The following ZNF551 variants were observed in gnomAD, a reference collection of about 807,000 sequenced individuals.
The protein encoded by ZNF551 is zinc finger protein 551.
Under a neutral mutation model 7.9 loss-of-function variants are expected in ZNF551, and 5 were observed. The observed-to-expected ratio is 0.63, with a 90% CI of 0.33 to 1.33. ZNF551 has a LOEUF of 1.33. Ranked by LOEUF, ZNF551 falls within the 40% of genes most tolerant of loss-of-function variation. ZNF551 has a pLI of 0.05. For missense variants in ZNF551, 788 were observed against 825.2 expected, an observed-to-expected ratio of 0.95 and a Z score of 0.55; for synonymous variants, 287 against 277.3, an observed-to-expected ratio of 1.03 and a Z score of -0.35.
intron 2 of ZNF551, among the ~76,000 whole-genome samples, chr19:57,686,265 T>C (rs1349720335): frequency 1.3e-5 from 2 of 152,224 alleles, no homozygotes; most frequent in Non-Finnish European, 2.9e-5. Flanking sequence ...CTTCTCCTCC[T>C]GTGCTATACC....
In ZNF551 at chr19:57,688,965, C is replaced by G. The variant is rs549963888; in HGVS notation, c.*677C>G. On this transcript the variant is annotated 3_prime_UTR_variant, in exon 3 of 3. Coordinates refer to ENST00000282296, the MANE Select transcript of ZNF551 (RefSeq NM_138347.5). Reference sequence around the variant, plus strand: ...GGGTGAATAGATTTTGTGGAGATCTCAAACTTTCTGTACTCAGAAGGGACA... The same window carrying G: ...GGGTGAATAGATTTTGTGGAGATCTGAAACTTTCTGTACTCAGAAGGGACA... 1.3e-5 allele frequency: 2 copies of G among 152,524 alleles called. No individual in the cohort carries two copies. Among genetic ancestry groups the G allele is most frequent in the East Asian group, 3.9e-4 (2 of 5,174 alleles). The allele number at this position is 152,524 out of a possible 1,614,324, so 9.4% of individuals were successfully genotyped here. A position where few individuals can be genotyped will look rare whatever the true frequency, so the allele number is the denominator to read the frequency against.
rs1204103266 is a variant in ZNF551 at position 57,690,117 on chromosome 19, T to A, written c.*1829T>A. The A allele has an allele frequency of 6.6e-6, 1 of 152,174 alleles. No homozygotes were observed. The highest frequency in any genetic ancestry group is 1.5e-5 in the Non-Finnish European group (1 of 68,034). 9.4% of individuals were successfully genotyped at this position (152,174 alleles called of 1,614,324 possible). On this transcript the variant is annotated 3_prime_UTR_variant, in exon 3 of 3. Transcript: ENST00000282296. ...AAAAAAGGAACATCTAGGCTCTTAATTTTGAGCCACTTTTTAAAGCTTTTT... is the reference window on the plus strand; with the variant it reads ...AAAAAAGGAACATCTAGGCTCTTAAATTTGAGCCACTTTTTAAAGCTTTTT...
rs1984624496 is a variant in ZNF551 at position 57,687,755 on chromosome 19, C to G, written c.1480C>G (p.Gln494Glu). 6.2e-7 allele frequency: 1 copy of G among 1,613,730 alleles called. No individual in the cohort carries two copies. The highest frequency in any genetic ancestry group is 1.1e-5 in the South Asian group (1 of 91,060). ...CCGCAAATTTATCCTGATTCAACACCAAAGAGTTCACACTGGAGAAAGACC... is the reference window on the plus strand; with the variant it reads ...CCGCAAATTTATCCTGATTCAACACGAAAGAGTTCACACTGGAGAAAGACC... ...FSRKFILIQH[Q>E]RVHTGERPYE... The change falls in exon 3 of 3, where the codon CAA becomes GAA. Residue 494 changes from glutamine to glutamate, a missense_variant. Coordinates refer to ENST00000282296, the MANE Select transcript of ZNF551 (RefSeq NM_138347.5).
intron 1 of ZNF551, among the ~76,000 whole-genome samples, chr19:57,682,558 C>T (rs1028256438): frequency 6.6e-6 from 1 of 152,174 alleles, no homozygotes; most frequent in Non-Finnish European, 1.5e-5. Context: ...ACACTGGCAG[C>T]CTTCGAGATT....
Position 57,690,372 on chromosome 19 carries a change from T to TACACACACACACACAC in ZNF551, c.*2099_*2114dup, listed in dbSNP as rs67512913. 4.7e-5 allele frequency: 7 copies of TACACACACACACACAC among 149,202 alleles called. No individual in the cohort carries two copies. The highest frequency in any genetic ancestry group is 1.7e-4 in the African/African-American group (7 of 40,874). 9.2% of individuals were successfully genotyped at this position (149,202 alleles called of 1,614,324 possible). A position where few individuals can be genotyped will look rare whatever the true frequency, so the allele number is the denominator to read the frequency against. The stretch of plus-strand genomic sequence containing the variant: ...TTTCTGGAGTTTTTACTGAGATACA[T>TACACACACACACACAC]ACACACACACACACACACACACACA... On this transcript the variant is annotated 3_prime_UTR_variant, in exon 3 of 3. Transcript: ENST00000282296.
chr19:57,685,587 T>C (rs536354235), intron 2 of ZNF551: 129 of 723,754 alleles, frequency 1.8e-4, no homozygotes, highest in Middle Eastern at 7.8e-4. Flanking sequence ...TGTCCACCTA[T>C]ATCAGAAATT....
Position 57,682,009 on chromosome 19 carries a change from T to G in ZNF551, c.-155T>G. The G allele has an allele frequency of 2.7e-6, 2 of 733,322 alleles. No homozygotes were observed. Among genetic ancestry groups the G allele is most frequent in the African/African-American group, 1.8e-5 (1 of 55,570 alleles). 45.4% of individuals were successfully genotyped at this position (733,322 alleles called of 1,614,324 possible). On this transcript the variant is annotated 5_prime_UTR_variant, in exon 1 of 3. It adds an upstream start codon to the 5' untranslated region. Transcript: ENST00000282296. The stretch of plus-strand genomic sequence containing the variant: ...CCGGCGTCCTCCTCGTGGCGGTCAT[T>G]TTGGCCTCTGTCCTGTTTGTCCAGC...
chr19:57,687,990 C>G lies in ZNF551; in HGVS notation c.1715C>G (p.Ala572Gly). 1 of 1,614,020 alleles carries G rather than the reference C, an allele frequency of 6.2e-7. No individual in the cohort carries two copies. The highest frequency in any genetic ancestry group is 8.5e-7 in the Non-Finnish European group (1 of 1,180,008). Residue 572 changes from alanine (A) to glycine (G), a missense_variant, in exon 3 of 3, where the codon GCT becomes GGT. Transcript: ENST00000282296. ...TGTGGAAAGTCTTTTAGCCAAAGTG[C>G]TAGCCTCATTCAACACCAGAGAGTT... ...SECGKSFSQS[A>G]SLIQHQRVHT...
chr19:57,682,217 G>C lies in ZNF551; in HGVS notation c.54G>C (p.Ala18=), dbSNP rs1247859827. The C allele has an allele frequency of 8.4e-6, 13 of 1,550,474 alleles. No individual in the cohort carries two copies. The highest frequency in any genetic ancestry group is 1.1e-5 in the Non-Finnish European group (13 of 1,146,946). Residue 18 remains alanine (A), a synonymous_variant, in exon 1 of 3, where the codon GCG becomes GCC. Coordinates refer to ENST00000282296, the MANE Select transcript of ZNF551 (RefSeq NM_138347.5). ...CGCCTAGTCCACGGAGCTCAATGGC[G>C]GCAGTCGCGCTGAGGGACTCGGCTC... The part of the protein sequence containing the change: ...RSPPSPRSSM[A]AVALRDSAQG...
At position 57,687,555 on chromosome 19, in the gene ZNF551, CTT is replaced by C. The variant is rs1293692651; in HGVS notation, c.1283_1284del (p.Phe428Ter). The C allele has an allele frequency of 6.2e-6, 10 of 1,614,090 alleles. No individual in the cohort carries two copies. The highest frequency in any genetic ancestry group is 8.5e-6 in the Non-Finnish European group (10 of 1,180,042). On this transcript the variant is annotated frameshift_variant, in exon 3 of 3. Transcript: ENST00000282296. LOFTEE classifies it low-confidence loss of function (END_TRUNC). ...TATCAGTGCAGTGATTGTGGGAAAT[CTT>C]TTAGCTGCAAATCGGAACTCATTCA...
At position 57,682,086 on chromosome 19, in the gene ZNF551, G is replaced by A; in HGVS notation, c.-78G>A. On this transcript the variant is annotated 5_prime_UTR_variant, in exon 1 of 3. Coordinates refer to ENST00000282296, the MANE Select transcript of ZNF551 (RefSeq NM_138347.5). ...GACTGAGGGACGGGACAGAGAAGTC[G>A]CGAAAGTGGGCCAGAGGTTCTGCGA... The A allele has an allele frequency of 1.1e-5, 16 of 1,465,040 alleles. No homozygotes were observed. Among genetic ancestry groups the A allele is most frequent in the Non-Finnish European group, 1.5e-5 (16 of 1,088,428 alleles). The allele number at this position is 1,465,040 out of a possible 1,614,324, so 90.8% of individuals were successfully genotyped here. A position where few individuals can be genotyped will look rare whatever the true frequency, so the allele number is the denominator to read the frequency against.
In ZNF551 at chr19:57,686,826, G is replaced by T. The variant is rs2122336752; in HGVS notation, c.551G>T (p.Gly184Val). 6.2e-7 allele frequency: 1 copy of T among 1,614,178 alleles called. No homozygotes were observed. Among genetic ancestry groups the T allele is most frequent in the Admixed American group, 1.7e-5 (1 of 60,022 alleles). Residue 184 changes from glycine (G) to valine (V), a missense_variant, in exon 3 of 3, where the codon GGG becomes GTG. Physicochemically the swap from Gly to Val is moderately radical, Grantham distance 109 (BLOSUM62 -3). Transcript: ENST00000282296. ...CATGTGTTGAATTATTTCACCTGTG[G>T]GGAGGCCTTCCCAGCCCCCACGGAC... Reference protein sequence around the residue: ...RFHVLNYFTCGEAFPAPTDLL... With the variant: ...RFHVLNYFTCVEAFPAPTDLL...
In ZNF551 at chr19:57,682,114, C is replaced by T. The variant is rs1267843516; in HGVS notation, c.-50C>T. On this transcript the variant is annotated 5_prime_UTR_variant, in exon 1 of 3. Transcript: ENST00000282296. The stretch of plus-strand genomic sequence containing the variant: ...AAAGTGGGCCAGAGGTTCTGCGACA[C>T]CACCTCGGGTGAGCTGCGCCAGGCC... 1.3e-6 allele frequency: 2 copies of T among 1,522,716 alleles called. No individual in the cohort carries two copies. The highest frequency in any genetic ancestry group is 4.0e-5 in the Admixed American group (2 of 50,122). The allele number at this position is 1,522,716 out of a possible 1,614,324, so 94.3% of individuals were successfully genotyped here.
At position 57,687,577 on chromosome 19, in the gene ZNF551, C is replaced by CA. The variant is rs1298938435; in HGVS notation, c.1303dup (p.Ile435AsnfsTer14). ...AATCTTTTAGCTGCAAATCGGAACT[C>CA]ATTCAACACCAGAGAATTCACAGTG... is the stretch of plus-strand genomic sequence containing the variant. On this transcript the variant is annotated frameshift_variant, in exon 3 of 3. Coordinates refer to ENST00000282296, the MANE Select transcript of ZNF551 (RefSeq NM_138347.5). LOFTEE classifies it low-confidence loss of function (END_TRUNC). The CA allele has an allele frequency of 1.2e-6, 2 of 1,614,060 alleles. No homozygotes were observed. Among genetic ancestry groups the CA allele is most frequent in the Non-Finnish European group, 8.5e-7 (1 of 1,180,038 alleles).
In ZNF551 at chr19:57,688,179, G is replaced by C. The variant is rs1488521261; in HGVS notation, c.1904G>C (p.Arg635Thr). Residue 635 changes from arginine to threonine, a missense_variant, in exon 3 of 3, where the codon AGA becomes ACA. Physicochemically the swap from Arg to Thr is moderately conservative, Grantham distance 71. Coordinates refer to ENST00000282296, the MANE Select transcript of ZNF551 (RefSeq NM_138347.5). ...THKSDLIQHQ[R>T]VHTGERPYEC... Reference sequence around the variant, plus strand: ...AAATCAGACCTTATTCAGCACCAAAGAGTTCACACTGGAGAAAGGCCTTAT... The same window carrying C: ...AAATCAGACCTTATTCAGCACCAAACAGTTCACACTGGAGAAAGGCCTTAT... 2 of 1,614,202 alleles carry C rather than the reference G, an allele frequency of 1.2e-6. No homozygotes were observed. The highest frequency in any genetic ancestry group is 1.7e-6 in the Non-Finnish European group (2 of 1,180,038).
Position 57,686,436 on chromosome 19 carries a change from C to T in ZNF551, c.206-45C>T, listed in dbSNP as rs760885869. 4.4e-5 allele frequency: 70 copies of T among 1,582,332 alleles called. 1 individual carries two copies. The highest frequency in any genetic ancestry group is 5.5e-5 in the Non-Finnish European group (64 of 1,160,428). ...ATTTTTGTGATACATCTTTCTCCTT[C>T]CATGAAAGTCAGCATGCATTTCATC... On this transcript the variant is annotated intron_variant, in intron 2 of 2. Transcript: ENST00000282296.
rs759866054 is a variant in ZNF551, at chr19:57,687,226, C to T, written c.951C>T (p.Ile317=). 5 of 1,613,914 alleles carry T rather than the reference C, an allele frequency of 3.1e-6. No individual in the cohort carries two copies. In the East Asian group the frequency reaches 1.1e-4, roughly 36 times the overall value. The change falls in exon 3 of 3, where the codon ATC becomes ATT. Residue 317 remains isoleucine, a synonymous_variant. Coordinates refer to ENST00000282296, the MANE Select transcript of ZNF551 (RefSeq NM_138347.5). ...GCAGTGATCGTGAGAAAGCCTTTATCCATAAATCTGAATTCATTCACCACC... is the reference window on the plus strand; with the variant it reads ...GCAGTGATCGTGAGAAAGCCTTTATTCATAAATCTGAATTCATTCACCACC... ...YECSDREKAF[I]HKSEFIHHQR...
rs2122343658 is a variant in ZNF551, at chr19:57,688,382, CAGTGGGGTATTCTTCATAAGTT to C, written c.*95_*116del. ...CGTAAATTTAAACTTTGAGCACCCA[CAGTGGGGTATTCTTCATAAGTT>C]TCAGGTATGTGGGAAGCTCTGAGGA... On this transcript the variant is annotated 3_prime_UTR_variant, in exon 3 of 3. Transcript: ENST00000282296. The C allele has an allele frequency of 8.7e-6, 13 of 1,491,882 alleles. 1 individual carries two copies. In the South Asian group the frequency reaches 1.7e-4, roughly 19 times the overall value. The allele number at this position is 1,491,882 out of a possible 1,614,324, so 92.4% of individuals were successfully genotyped here.
At chr19:57,686,383 C>G (rs1403978124) in intron 2 of ZNF551, 98 bp from the exon 3 acceptor site, 5 of 1,498,510 alleles carry the variant, frequency 3.3e-6, no homozygotes, top group African/African-American at 1.4e-5. Flanking sequence ...CAGAACAGTT[C>G]CATGCACTCA....
Sources: gnomAD v4.1 joint callset for allele counts (sites outside exome capture counted in the v4.1 genomes callset) on GRCh38, gnomAD v4.1.1 for gene constraint, MANE v1.5 for transcripts, NCBI Gene and HGNC (gene_info 2026-07-23, HGNC 2026-07-21) for gene names.